Variants in ABCA13 observed in about 807,000 individuals in gnomAD.
ABCA13 encodes ATP-binding cassette sub-family A member 13.
In ABCA13, 476 loss-of-function variants were observed where a neutral mutation model predicts 478.7. The observed-to-expected ratio is 0.99, with a 90% CI of 0.92 to 1.07. ABCA13 has a LOEUF of 1.07. ABCA13 is among the 50% of genes least tolerant of loss of function. The probability of loss-of-function intolerance (pLI) is 0.00; values close to 1 mark genes in which losing one functional copy is unlikely to be tolerated. For missense variants in ABCA13, 6,060 were observed against 5,910.6 expected (o/e 1.03, Z -0.83); for synonymous variants, 2,252 against 2,158.9 (o/e 1.04, Z -1.20).
chr7:48,353,804 C>T (rs777444987), intron 31 of ABCA13, among the ~76,000 whole-genome samples: 5 of 152,016 alleles, frequency 3.3e-5, no homozygotes, highest in East Asian at 3.9e-4. Context: ...TAGTGTGGTG[C>T]GGTGAACAAA....
At chr7:48,312,936 C>T (rs1801984799) in intron 24 of ABCA13, 131 bp from the exon 25 acceptor site, 3 of 954,798 alleles carry the variant, frequency 3.1e-6, no homozygotes, top group Non-Finnish European at 1.5e-6. Flanking sequence ...TATAGTACCG[C>T]AAAGGCGTCT....
At chr7:48,388,980 T>G in intron 36 of ABCA13, 60 bp from the exon 37 acceptor site, 1 of 1,540,390 alleles carries the variant, frequency 6.5e-7, no homozygotes, top group Non-Finnish European at 8.9e-7. Context: ...TTAATAAATA[T>G]GAGCATTATT....
At chr7:48,401,022 A>C (rs1445365791) in intron 38 of ABCA13, among the ~76,000 whole-genome samples, 1 of 152,230 alleles carries the variant, frequency 6.6e-6, no homozygotes, top group Non-Finnish European at 1.5e-5. Context: ...ACAGGGACCC[A>C]GTGGATGCCA....
Position 48,584,875 on chromosome 7 carries a change from A to G in ABCA13, c.14506-2279A>G, listed in dbSNP as rs143183801. Among the ~76,000 whole-genome samples, 419 of 152,328 alleles carry G rather than the reference A, an allele frequency of 2.8e-3. 1 individual carries two copies. The highest frequency in any genetic ancestry group is 9.7e-3 in the African/African-American group (403 of 41,578). ...CGGTTAAAGCGGTCTCCAAGAACAT[A>G]TAGATGACATTAAGTAAGGACTTTT... is the stretch of plus-strand genomic sequence containing the variant. On this transcript the variant is annotated intron_variant, in intron 56 of 61. Coordinates refer to ENST00000435803, the MANE Select transcript of ABCA13 (RefSeq NM_152701.5).
At position 48,287,848 on chromosome 7, in the gene ABCA13, A is replaced by G. The variant is rs1449753277; in HGVS notation, c.8837-112A>G. On this transcript the variant is annotated intron_variant, in intron 19 of 61. Coordinates refer to ENST00000435803, the MANE Select transcript of ABCA13 (RefSeq NM_152701.5). ...TGAATGTTCATCTTGATGATTTAAG[A>G]AATGTTTAGGAATTTGTATCACTTT... 5.2e-6 allele frequency: 4 copies of G among 771,922 alleles called. No homozygotes were observed. The Admixed American group carries it at 8.9e-5, about 17-fold the overall frequency. 47.8% of individuals were successfully genotyped at this position (771,922 alleles called of 1,614,324 possible). A position where few individuals can be genotyped will look rare whatever the true frequency, so the allele number is the denominator to read the frequency against.
chr7:48,303,779 T>C (rs1174425853), intron 23 of ABCA13, among the ~76,000 whole-genome samples: 1 of 152,202 alleles, frequency 6.6e-6, no homozygotes, highest in Non-Finnish European at 1.5e-5. Flanking sequence ...ATTCTGATAC[T>C]TTAATTTGCA....
At chr7:48,380,053 A>G (rs1720997053) in intron 35 of ABCA13, among the ~76,000 whole-genome samples, 1 of 152,224 alleles carries the variant, frequency 6.6e-6, no homozygotes, top group Non-Finnish European at 1.5e-5. Flanking sequence ...AGAGGGTTTT[A>G]TAGAGAAGCC....
At chr7:48,476,879 A>G (rs547164537) in intron 45 of ABCA13, among the ~76,000 whole-genome samples, 7 of 152,326 alleles carry the variant, frequency 4.6e-5, no homozygotes, top group Middle Eastern at 6.8e-3. Context: ...TTTCGAGGCT[A>G]TAAGTTTATC....
intron 3 of ABCA13, among the ~76,000 whole-genome samples, chr7:48,204,111 C>CTTT (rs34262924): frequency 2.0e-4 from 27 of 137,822 alleles, no homozygotes; most frequent in African/African-American, 7.2e-4. Flanking sequence ...TCTTGACACT[C>CTTT]TTTTTTTTTT....
intron 5 of ABCA13, among the ~76,000 whole-genome samples, chr7:48,221,727 G>A (rs1325310271): frequency 6.6e-6 from 1 of 152,236 alleles, no homozygotes; most frequent in Non-Finnish European, 1.5e-5. Flanking sequence ...ATTTGTCAAT[G>A]TCTGGACATA....
intron 59 of ABCA13, among the ~76,000 whole-genome samples, chr7:48,635,708 C>T (rs1200555510): frequency 2.0e-5 from 3 of 152,258 alleles, no homozygotes; most frequent in East Asian, 3.9e-4. Context: ...TGGGAGAGAG[C>T]CCTGTGTTCT....
rs989971432 is a variant in ABCA13 at position 48,287,500 on chromosome 7, G to A, written c.8837-460G>A. Reference sequence around the variant, plus strand: ...TGAGGACCAGGGGGAGGAGAGTCATGACTGGCTTCCAGGAAGTGACTTGTG... The same window carrying A: ...TGAGGACCAGGGGGAGGAGAGTCATAACTGGCTTCCAGGAAGTGACTTGTG... On this transcript the variant is annotated intron_variant, in intron 19 of 61. Coordinates refer to ENST00000435803, the MANE Select transcript of ABCA13 (RefSeq NM_152701.5). Among the ~76,000 whole-genome samples the A allele has an allele frequency of 2.0e-5, 3 of 152,316 alleles. No individual in the cohort carries two copies. The South Asian group carries it at 6.2e-4, about 32-fold the overall frequency.
intron 27 of ABCA13, among the ~76,000 whole-genome samples, chr7:48,323,264 G>A (rs1803776599): frequency 6.6e-6 from 1 of 152,124 alleles, no homozygotes; most frequent in Non-Finnish European, 1.5e-5. Flanking sequence ...TGTCTTCTTG[G>A]CCACCGTCCC....
Position 48,594,905 on chromosome 7 carries a change from T to C in ABCA13, c.14744+92T>C, listed in dbSNP as rs1457118801. 6.9e-6 allele frequency: 7 copies of C among 1,007,500 alleles called. No homozygotes were observed. In the Middle Eastern group the frequency reaches 8.7e-4, roughly 125 times the overall value. 62.4% of individuals were successfully genotyped at this position (1,007,500 alleles called of 1,614,324 possible). A position where few individuals can be genotyped will look rare whatever the true frequency, so the allele number is the denominator to read the frequency against. ...TTAGGTACCTGCACAGTGTTACACA[T>C]GGACATTTCTTAATCTTTACAACAC... On this transcript the variant is annotated intron_variant, in intron 58 of 61. Coordinates refer to ENST00000435803, the MANE Select transcript of ABCA13 (RefSeq NM_152701.5).
rs747501137 is a variant in ABCA13, at chr7:48,275,773, G to T, written c.6107G>T (p.Gly2036Val). 3.1e-6 allele frequency: 5 copies of T among 1,611,448 alleles called. No individual in the cohort carries two copies. The highest frequency in any genetic ancestry group is 4.2e-6 in the Non-Finnish European group (5 of 1,178,594). ...ATGCTCCAGAATGCAAATGTCACAG[G>T]TAGCAGTTTAGAAGCATTATCAAGT... Reference protein sequence around the residue: ...FMMLQNANVTGSSLEALSSFI... With the variant: ...FMMLQNANVTVSSLEALSSFI... Residue 2036 changes from glycine (G) to valine (V), a missense_variant, in exon 17 of 62, where the codon GGT becomes GTT. Physicochemically the swap from Gly to Val is moderately radical, Grantham distance 109. Coordinates refer to ENST00000435803, the MANE Select transcript of ABCA13 (RefSeq NM_152701.5).
At chr7:48,630,926 T>C (rs1794111916) in intron 59 of ABCA13, among the ~76,000 whole-genome samples, 1 of 152,142 alleles carries the variant, frequency 6.6e-6, no homozygotes, top group South Asian at 2.1e-4. Context: ...AGTATTTTTT[T>C]CATATGTTTG....
At chr7:48,180,454 C>G in intron 1 of ABCA13, among the ~76,000 whole-genome samples, 1 of 152,148 alleles carries the variant, frequency 6.6e-6, no homozygotes, top group East Asian at 1.9e-4. Flanking sequence ...GAGTTTTTCT[C>G]TTGTCACCCA....
chr7:48,547,229 A>G (rs959710820), intron 55 of ABCA13, among the ~76,000 whole-genome samples: 1 of 151,884 alleles, frequency 6.6e-6, no homozygotes, highest in African/African-American at 2.4e-5. Context: ...TGTTTTCAGA[A>G]CTGCTGCACA....
At chr7:48,573,080 T>C (rs1241382503) in intron 55 of ABCA13, among the ~76,000 whole-genome samples, 1 of 152,080 alleles carries the variant, frequency 6.6e-6, no homozygotes, top group East Asian at 1.9e-4. Flanking sequence ...CTGATACTGG[T>C]ATTTTGTATC....
Sources: allele counts gnomAD v4.1 joint callset (sites outside exome capture counted in the v4.1 genomes callset), GRCh38; gene constraint gnomAD v4.1.1; transcripts MANE v1.5; gene names NCBI Gene and HGNC (gene_info 2026-07-23, HGNC 2026-07-21).